The following MCC variants were observed in gnomAD, a reference collection of about 807,000 sequenced individuals.
MCC encodes colorectal mutant cancer protein.
Under a neutral mutation model 116.2 loss-of-function variants are expected in MCC, and 90 were observed. That is an observed-to-expected ratio of 0.77 (90% CI 0.65 to 0.92). The LOEUF (loss-of-function observed/expected upper bound fraction) is 0.92, where lower values mean the gene tolerates loss of function less well. MCC is among the 40% of genes least tolerant of loss of function. The probability of loss-of-function intolerance (pLI) is 0.00; values close to 1 mark genes in which losing one functional copy is unlikely to be tolerated. For synonymous variants in MCC, 578 were observed against 510.5 expected, an observed-to-expected ratio of 1.13 and a Z score of -1.78; for missense variants, 1,516 against 1,312.2, an observed-to-expected ratio of 1.16 and a Z score of -2.40.
chr5:113,240,219 G>T (rs965956260), intron 3 of MCC, among the ~76,000 whole-genome samples: 1 of 152,096 alleles, frequency 6.6e-6, no homozygotes, highest in Non-Finnish European at 1.5e-5. Context: ...TAGTTGGCCC[G>T]GTGTTGAAAA....
chr5:113,310,555 CTTAT>C (rs1408903503), intron 3 of MCC, among the ~76,000 whole-genome samples: 1 of 152,214 alleles, frequency 6.6e-6, no homozygotes, highest in African/African-American at 2.4e-5. Context: ...ATGAAAACTA[CTTAT>C]TTTTTTCATA....
At chr5:113,347,732 A>G (rs1234073409) in intron 2 of MCC, among the ~76,000 whole-genome samples, 1 of 152,270 alleles carries the variant, frequency 6.6e-6, no homozygotes, top group East Asian at 1.9e-4. Context: ...ACTTACCAAT[A>G]ACAACATTAA....
At chr5:113,044,136 T>C (rs968774711) in intron 16 of MCC, among the ~76,000 whole-genome samples, 1 of 152,156 alleles carries the variant, frequency 6.6e-6, no homozygotes, top group Non-Finnish European at 1.5e-5. Context: ...GAGAAATACC[T>C]GTGAATATCC....
chr5:113,322,644 T>G (rs1214271563), intron 3 of MCC, among the ~76,000 whole-genome samples: 1 of 152,212 alleles, frequency 6.6e-6, no homozygotes, highest in Non-Finnish European at 1.5e-5. Context: ...ACCTCCTGTT[T>G]TAAAGAATCA....
intron 17 of MCC, among the ~76,000 whole-genome samples, chr5:113,042,643 C>CA (rs1354507785): frequency 6.6e-6 from 1 of 151,534 alleles, no homozygotes; most frequent in Non-Finnish European, 1.5e-5. Flanking sequence ...AAAATTTAGC[C>CA]AAAAAATCTG....
chr5:113,274,347 G>T (rs1473806553), intron 3 of MCC, among the ~76,000 whole-genome samples: 2 of 152,098 alleles, frequency 1.3e-5, no homozygotes, highest in East Asian at 3.9e-4. Flanking sequence ...ATTTAATTTT[G>T]ACTAAAGATA....
At chr5:113,124,598 C>A (rs1056323197) in intron 5 of MCC, among the ~76,000 whole-genome samples, 3 of 152,150 alleles carry the variant, frequency 2.0e-5, no homozygotes, top group African/African-American at 7.2e-5. Flanking sequence ...CTGCTTTGTA[C>A]AAAATTACTT....
intron 2 of MCC, among the ~76,000 whole-genome samples, chr5:113,345,278 T>TA (rs1275987075): frequency 2.3e-4 from 35 of 151,858 alleles, no homozygotes; most frequent in Non-Finnish European, 4.3e-4. Flanking sequence ...CGTTTTTTTT[T>TA]TACTCCAATC....
At chr5:113,274,487 G>A (rs1035005549) in intron 3 of MCC, among the ~76,000 whole-genome samples, 10 of 152,322 alleles carry the variant, frequency 6.6e-5, no homozygotes, top group Admixed American at 3.9e-4. Flanking sequence ...AGCCTCCCGA[G>A]TAGCTGGGAT....
rs1301531341 is a variant in MCC, at chr5:113,022,396, AACT to A, written c.*4903_*4905del. 1 of 152,676 alleles carries A rather than the reference AACT, an allele frequency of 6.5e-6. No individual in the cohort carries two copies. The highest frequency in any genetic ancestry group is 1.5e-5 in the Non-Finnish European group (1 of 68,040). 9.5% of individuals were successfully genotyped at this position (152,676 alleles called of 1,614,324 possible). The stretch of plus-strand genomic sequence containing the variant: ...CAAACTTAGTCACATGTGCTTTAAT[AACT>A]GACAATACATTCAAGCAGGTTTTTC... On this transcript the variant is annotated 3_prime_UTR_variant, in exon 19 of 19. Coordinates refer to ENST00000408903, the MANE Select transcript of MCC (RefSeq NM_001085377.2).
At chr5:113,267,635 G>T (rs918418505) in intron 3 of MCC, among the ~76,000 whole-genome samples, 2 of 152,222 alleles carry the variant, frequency 1.3e-5, no homozygotes, top group African/African-American at 4.8e-5. Flanking sequence ...CATGCCAAGT[G>T]AAAGAAGCCA....
At chr5:113,273,615 G>A (rs1765699738) in intron 3 of MCC, among the ~76,000 whole-genome samples, 1 of 152,112 alleles carries the variant, frequency 6.6e-6, no homozygotes. Context: ...GAATTTAGAT[G>A]TGTGTGTGTA....
intron 3 of MCC, among the ~76,000 whole-genome samples, chr5:113,172,967 A>G (rs915600316): frequency 6.6e-6 from 1 of 152,048 alleles, no homozygotes; most frequent in Non-Finnish European, 1.5e-5. Context: ...TGGACACATG[A>G]ATTTGTTTTT....
intron 10 of MCC, among the ~76,000 whole-genome samples, chr5:113,083,482 A>C (rs1755000289): frequency 6.6e-6 from 1 of 152,156 alleles, no homozygotes; most frequent in African/African-American, 2.4e-5. Flanking sequence ...TAGGGCCTTA[A>C]AATGCTATTC....
intron 3 of MCC, among the ~76,000 whole-genome samples, chr5:113,220,437 G>C (rs1763507795): frequency 6.6e-6 from 1 of 152,010 alleles, no homozygotes; most frequent in Admixed American, 6.5e-5. Context: ...TTATATCATA[G>C]CAACATTGAG....
At chr5:113,332,166 T>C (rs1217315191) in intron 3 of MCC, among the ~76,000 whole-genome samples, 1 of 151,544 alleles carries the variant, frequency 6.6e-6, no homozygotes, top group African/African-American at 2.4e-5. Context: ...CACTTGTAAG[T>C]AACTTTCTTT....
At chr5:113,452,809 G>A (rs1000518913) in intron 1 of MCC, among the ~76,000 whole-genome samples, 4 of 152,336 alleles carry the variant, frequency 2.6e-5, no homozygotes, top group Non-Finnish European at 5.9e-5. Context: ...ATGCACAGGT[G>A]CAGGATGTTA....
chr5:113,211,602 A>G (rs10519340), intron 3 of MCC, among the ~76,000 whole-genome samples: 9,037 of 152,306 alleles, frequency 0.059, 803 homozygotes, highest in African/African-American at 0.19. Context: ...TACTGTCAGC[A>G]TATCTAAAGA....
chr5:113,195,112 A>G (rs1265083686), intron 3 of MCC, among the ~76,000 whole-genome samples: 2 of 152,190 alleles, frequency 1.3e-5, no homozygotes, highest in Non-Finnish European at 2.9e-5. Flanking sequence ...CGTTTGTTGA[A>G]GGGAACAGTA....
Sources: gnomAD v4.1 joint callset for allele counts (sites outside exome capture counted in the v4.1 genomes callset) on GRCh38, gnomAD v4.1.1 for gene constraint, MANE v1.5 for transcripts, NCBI Gene and HGNC (gene_info 2026-07-23, HGNC 2026-07-21) for gene names.